Variants in NEK9 observed in about 807,000 individuals in gnomAD.
The protein encoded by NEK9 is serine/threonine-protein kinase Nek9.
In NEK9, 75 loss-of-function variants were observed where a neutral mutation model predicts 123.4. The ratio of observed to expected loss-of-function variants is 0.61; its 90% CI spans 0.50 to 0.74. The LOEUF (loss-of-function observed/expected upper bound fraction) is 0.74, where lower values mean the gene tolerates loss of function less well. NEK9 is among the 30% of genes least tolerant of loss of function. The pLI, the probability that NEK9 is intolerant of heterozygous loss-of-function variation, is 0.00. For synonymous variants in NEK9, 438 were observed against 458.7 expected, an observed-to-expected ratio of 0.95 and a Z score of 0.58; for missense variants, 952 against 1,214.4, an observed-to-expected ratio of 0.78 and a Z score of 3.21.
chr14:75,088,383 G>A (rs1161320614), intron 20 of NEK9, 97 bp downstream of exon 20: 1 of 1,251,884 alleles, frequency 8.0e-7, no homozygotes, highest in Non-Finnish European at 1.1e-6. Flanking sequence ...ATGCAGGGCA[G>A]CTGAAACCCA....
chr14:75,122,382 G>A (rs1009035722), intron 2 of NEK9, among the ~76,000 whole-genome samples: 2 of 152,218 alleles, frequency 1.3e-5, no homozygotes, highest in Non-Finnish European at 2.9e-5. Flanking sequence ...ATGCAGTTCA[G>A]AAAAGGGCTT....
intron 7 of NEK9, among the ~76,000 whole-genome samples, chr14:75,113,610 T>C (rs1895028324): frequency 1.3e-5 from 2 of 152,194 alleles, no homozygotes; most frequent in South Asian, 4.1e-4. Context: ...TCCTCACTTG[T>C]TCAGTTAGGG....
rs1894680895 is a variant in NEK9, at chr14:75,104,017, AAAAG to A, written c.1576-24_1576-21del. 1 of 1,598,240 alleles carries A rather than the reference AAAAG, an allele frequency of 6.3e-7. No individual in the cohort carries two copies. Among genetic ancestry groups the A allele is most frequent in the South Asian group, 1.1e-5 (1 of 88,318 alleles). On this transcript the variant is annotated intron_variant, in intron 13 of 21. Transcript: ENST00000238616. Reference sequence around the variant, plus strand: ...ATCCACCTGCAAGAAAAAAATCAGAAAAAGAAATCCCAAATATATAATTCGTATT... The same window carrying A: ...ATCCACCTGCAAGAAAAAAATCAGAAAAATCCCAAATATATAATTCGTATT...
At position 75,097,256 on chromosome 14, in the gene NEK9, C is replaced by A. The variant is rs2139740701; in HGVS notation, c.2017G>T (p.Ala673Ser). The A allele has an allele frequency of 1.3e-6, 2 of 1,594,300 alleles. No homozygotes were observed. The highest frequency in any genetic ancestry group is 1.7e-6 in the Non-Finnish European group (2 of 1,171,350). Residue 673 changes from alanine to serine, a missense_variant, in exon 17 of 22, where the codon GCC becomes TCC. Around this residue, in one of 4 missense-constraint regions of NEK9, gnomAD observed 698 missense variants for 875.6 expected, o/e 0.80. Coordinates refer to ENST00000238616, the MANE Select transcript of NEK9 (RefSeq NM_033116.6). ...IAATDDNHIF[A>S]WGNGGNGRLA... ...CGGCCATTACCACCATTGCCCCAGG[C>A]AAAAATGTGATTATCTAGGAAAAAA...
At position 75,101,059 on chromosome 14, in the gene NEK9, TC is replaced by T. The variant is rs753437319; in HGVS notation, c.1934del (p.Gly645AspfsTer8). On this transcript the variant is annotated frameshift_variant, in exon 16 of 22. Transcript: ENST00000238616. LOFTEE classifies it high-confidence loss of function. Reference sequence around the variant, plus strand: ...TGATCACTTGCTTCCCACCAAGGGGTCCCCCCAACAGGTTGATTCCCAGACG... The same window carrying T: ...TGATCACTTGCTTCCCACCAAGGGGTCCCCCAACAGGTTGATTCCCAGACG... Reference protein sequence around the residue: ...KKRLGINLLGGPLGGKQVIRV... With the variant: ...KKRLGINLLGXPLGGKQVIRV... The T allele has an allele frequency of 1.9e-6, 3 of 1,614,042 alleles. No individual in the cohort carries two copies. Among genetic ancestry groups the T allele is most frequent in the Non-Finnish European group, 2.5e-6 (3 of 1,179,992 alleles).
At chr14:75,098,674 T>C (rs922680830) in intron 16 of NEK9, among the ~76,000 whole-genome samples, 1 of 152,192 alleles carries the variant, frequency 6.6e-6, no homozygotes, top group African/African-American at 2.4e-5. Context: ...CTGAGACTCA[T>C]TTCTATATTC....
At chr14:75,102,513 G>GT (rs35499335) in intron 14 of NEK9, among the ~76,000 whole-genome samples, 68,512 of 146,044 alleles carry the variant, frequency 0.47, 16,627 homozygotes, top group East Asian at 0.83. Context: ...ACACCTGGCT[G>GT]TTTTTTTTTT....
chr14:75,093,120 C>A (rs909181029), intron 18 of NEK9, among the ~76,000 whole-genome samples: 1 of 152,196 alleles, frequency 6.6e-6, no homozygotes, highest in Non-Finnish European at 1.5e-5. Flanking sequence ...ATATGAGTTA[C>A]TAGCCATATG....
At chr14:75,116,988 C>T (rs568657441) in intron 6 of NEK9, among the ~76,000 whole-genome samples, 29 of 152,286 alleles carry the variant, frequency 1.9e-4, no homozygotes, top group African/African-American at 5.8e-4. Context: ...CCACCCACCT[C>T]GGCCTCCCAA....
Position 75,083,199 on chromosome 14 carries a change from A to C in NEK9, c.*1365T>G. On this transcript the variant is annotated 3_prime_UTR_variant, in exon 22 of 22. Coordinates refer to ENST00000238616, the MANE Select transcript of NEK9 (RefSeq NM_033116.6). Reference sequence around the variant, plus strand: ...GGAAGGTGGGATGTGAGACTCATCAAAGGTAGGATGTGTGACACAAAATAC... The same window carrying C: ...GGAAGGTGGGATGTGAGACTCATCACAGGTAGGATGTGTGACACAAAATAC... 2 of 398,030 alleles carry C rather than the reference A, an allele frequency of 5.0e-6. No individual in the cohort carries two copies. The highest frequency in any genetic ancestry group is 8.8e-5 in the Admixed American group (2 of 22,730). 24.7% of individuals were successfully genotyped at this position (398,030 alleles called of 1,614,324 possible). A position where few individuals can be genotyped will look rare whatever the true frequency, so the allele number is the denominator to read the frequency against.
intron 15 of NEK9, 140 bp downstream of exon 15, chr14:75,101,517 T>C (rs544241540): frequency 7.9e-5 from 44 of 557,056 alleles, no homozygotes; most frequent in Non-Finnish European, 1.3e-4. Context: ...AATAAAAATA[T>C]GTACCTGAAT....
chr14:75,093,041 C>T (rs1437646333), intron 18 of NEK9, among the ~76,000 whole-genome samples: 1 of 152,142 alleles, frequency 6.6e-6, no homozygotes, highest in Non-Finnish European at 1.5e-5. Flanking sequence ...TTTTAACATA[C>T]GTGTAAATTT....
At chr14:75,110,630 C>G (rs978669078) in intron 8 of NEK9, among the ~76,000 whole-genome samples, 2 of 152,014 alleles carry the variant, frequency 1.3e-5, no homozygotes, top group Non-Finnish European at 2.9e-5. Flanking sequence ...CAGGCTGGAA[C>G]AGAGAGCCTT....
chr14:75,127,071 A>G (rs1895567082), upstream of NEK9: 2 of 599,548 alleles, frequency 3.3e-6, no homozygotes, highest in Non-Finnish European at 2.8e-6. Context: ...CCGACCCGGA[A>G]ACAGTTCTCT....
At chr14:75,115,313 C>T (rs1251225845) in intron 6 of NEK9, among the ~76,000 whole-genome samples, 1 of 152,126 alleles carries the variant, frequency 6.6e-6, no homozygotes, top group Non-Finnish European at 1.5e-5. Context: ...GACAGGGTTT[C>T]ACCATGTTGG....
intron 7 of NEK9, 76 bp downstream of exon 7, chr14:75,114,127 T>C (rs1895050182): frequency 1.9e-6 from 2 of 1,028,416 alleles, no homozygotes. Flanking sequence ...GTATGGTTTA[T>C]AGCTATGCCA....
intron 5 of NEK9, 21 bp downstream of exon 5, chr14:75,118,806 AATT>A: frequency 7.6e-7 from 1 of 1,311,822 alleles, no homozygotes; most frequent in Non-Finnish European, 1.1e-6. Flanking sequence ...ATAAAATAAA[AATT>A]AAGACAAGGG....
chr14:75,096,276 C>CAAAA (rs57130386), intron 17 of NEK9, among the ~76,000 whole-genome samples: 1 of 79,724 alleles, frequency 1.3e-5, no homozygotes, highest in African/African-American at 4.8e-5. Context: ...GACTTCGTCT[C>CAAAA]AAAAAAAAAA....
chr14:75,086,976 A>G (rs1894045418), intron 21 of NEK9, 42 bp downstream of exon 21: 1 of 1,577,590 alleles, frequency 6.3e-7, no homozygotes, highest in Admixed American at 1.7e-5. Flanking sequence ...GTGATTCTTC[A>G]AAACAGGCTT....
Sources: gnomAD v4.1 joint callset for allele counts (sites outside exome capture counted in the v4.1 genomes callset) on GRCh38, gnomAD v4.1.1 for gene constraint, gnomAD v4.1.1 regional missense constraint, MANE v1.5 for transcripts, NCBI Gene and HGNC (gene_info 2026-07-23, HGNC 2026-07-21) for gene names.